IMPG1: variants seen among roughly 807,000 people sequenced by gnomAD.
The protein encoded by IMPG1 is interphotoreceptor matrix proteoglycan of 150 kDa.
IMPG1 carries 85 observed loss-of-function variants against 92.0 expected under a neutral mutation model. The observed-to-expected ratio is 0.92, with a 90% CI of 0.78 to 1.11. The LOEUF (loss-of-function observed/expected upper bound fraction) is 1.11, where lower values mean the gene tolerates loss of function less well. Among genes scored for constraint, IMPG1 ranks in the 50% least tolerant of loss-of-function variants. IMPG1 has a pLI of 0.00. For synonymous variants in IMPG1, 367 were observed against 334.1 expected (o/e 1.10, Z -1.08); for missense variants, 1,022 against 956.0 (o/e 1.07, Z -0.91).
At chr6:76,019,795 CA>C in intron 6 of IMPG1, among the ~76,000 whole-genome samples, 1 of 152,178 alleles carries the variant, frequency 6.6e-6, no homozygotes, top group South Asian at 2.1e-4. Context: ...TTTTGTTAGG[CA>C]AATTGGAAGT....
intron 12 of IMPG1, among the ~76,000 whole-genome samples, chr6:75,974,959 A>G (rs1236369603): frequency 2.0e-5 from 3 of 152,258 alleles, no homozygotes; most frequent in African/African-American, 4.8e-5. Context: ...AAAGAAATGC[A>G]GTATAAGTAG....
intron 12 of IMPG1, among the ~76,000 whole-genome samples, chr6:75,969,422 A>G (rs986085896): frequency 6.6e-6 from 1 of 152,156 alleles, no homozygotes; most frequent in African/African-American, 2.4e-5. Flanking sequence ...TATGTGATAT[A>G]TATAATTTTT....
chr6:75,937,106 G>A (rs1781760257), intron 14 of IMPG1, among the ~76,000 whole-genome samples: 1 of 152,138 alleles, frequency 6.6e-6, no homozygotes, highest in South Asian at 2.1e-4. Context: ...CAGGGCCAGG[G>A]ATGTAGGAGA....
At position 75,951,405 on chromosome 6, in the gene IMPG1, G is replaced by A. The variant is rs76106883; in HGVS notation, c.1292-311C>T. Among the ~76,000 whole-genome samples, 46 of 152,170 alleles carry A rather than the reference G, an allele frequency of 3.0e-4. No homozygotes were observed. In the East Asian group the frequency reaches 7.9e-3, roughly 26 times the overall value. On this transcript the variant is annotated intron_variant, in intron 12 of 16. Coordinates refer to ENST00000369950, the MANE Select transcript of IMPG1 (RefSeq NM_001563.4). ...CTGGAATTACTGCCTAGTCAGACAC[G>A]ATACACTTGGGAACCAAGTAGTACA...
chr6:75,937,841 T>A (rs1781773022), intron 14 of IMPG1, among the ~76,000 whole-genome samples: 1 of 152,220 alleles, frequency 6.6e-6, no homozygotes, highest in African/African-American at 2.4e-5. Context: ...CCTTGAGGGC[T>A]GTCCATTTTT....
In IMPG1 at chr6:75,922,125, A is replaced by G. The variant is rs1287467326; in HGVS notation, c.2358T>C (p.Tyr786=). The G allele has an allele frequency of 4.3e-6, 6 of 1,400,260 alleles. No individual in the cohort carries two copies. The highest frequency in any genetic ancestry group is 6.0e-6 in the Non-Finnish European group (6 of 995,942). The allele number at this position is 1,400,260 out of a possible 1,614,324, so 86.7% of individuals were successfully genotyped here. A position where few individuals can be genotyped will look rare whatever the true frequency, so the allele number is the denominator to read the frequency against. Residue 786 remains tyrosine, a synonymous_variant, in exon 17 of 17, where the codon TAT becomes TAC. Transcript: ENST00000369950. ...KRNSELLTVE[Y]EEFNHQDWEG... ...CCCAATCTTGATGGTTAAATTCTTC[A>G]TATTCTACGGTCAGTAATTCAGAAT...
intron 14 of IMPG1, among the ~76,000 whole-genome samples, chr6:75,945,037 A>C (rs2149455267): frequency 6.6e-6 from 1 of 152,342 alleles, no homozygotes; most frequent in East Asian, 1.9e-4. Context: ...TGACGTTAGC[A>C]CCATCTCATG....
chr6:76,037,333 G>A (rs1268851066), intron 2 of IMPG1, among the ~76,000 whole-genome samples: 1 of 152,150 alleles, frequency 6.6e-6, no homozygotes, highest in Admixed American at 6.5e-5. Flanking sequence ...CTTTTAATGA[G>A]TAACCCACAA....
At chr6:75,977,100 G>C (rs1782550574) in intron 12 of IMPG1, among the ~76,000 whole-genome samples, 2 of 152,004 alleles carry the variant, frequency 1.3e-5, no homozygotes, top group Admixed American at 1.3e-4. Context: ...AAGGACAGCT[G>C]TTACTTTAAG....
rs1451795117 is a variant in IMPG1 at position 75,924,444 on chromosome 6, AATATAACATAATT to A, written c.2244-751_2244-739del. ...TAATATATAATTAATATAATTATAT[AATATAACATAATT>A]ATATAATATAAATATAATTATATAT... is the stretch of plus-strand genomic sequence containing the variant. On this transcript the variant is annotated intron_variant, in intron 15 of 16. Coordinates refer to ENST00000369950, the MANE Select transcript of IMPG1 (RefSeq NM_001563.4). Among the ~76,000 whole-genome samples the A allele has an allele frequency of 8.8e-3, 976 of 111,126 alleles. 25 individuals carry two copies. Among genetic ancestry groups the A allele is most frequent in the African/African-American group, 0.033 (945 of 28,686 alleles). The allele number at this position is 111,126 out of a possible 152,430, so 72.9% of individuals were successfully genotyped here.
chr6:75,941,120 G>T (rs1349033463), intron 14 of IMPG1, among the ~76,000 whole-genome samples: 1 of 151,802 alleles, frequency 6.6e-6, no homozygotes, highest in Non-Finnish European at 1.5e-5. Context: ...GCAGAGATGG[G>T]GTCGATTCAT....
At chr6:76,036,768 G>T (rs1783748512) in intron 2 of IMPG1, among the ~76,000 whole-genome samples, 1 of 103,918 alleles carries the variant, frequency 9.6e-6, no homozygotes, top group Non-Finnish European at 2.2e-5. Flanking sequence ...TCTGTTAAAA[G>T]AATTTGATGG....
chr6:76,008,904 A>G (rs1001357438), intron 8 of IMPG1, among the ~76,000 whole-genome samples: 12 of 152,186 alleles, frequency 7.9e-5, no homozygotes, highest in Admixed American at 7.2e-4. Context: ...CTTCCTAAGC[A>G]ACTGCTGATC....
At chr6:75,989,299 T>C (rs1347330729) in intron 12 of IMPG1, among the ~76,000 whole-genome samples, 1 of 152,164 alleles carries the variant, frequency 6.6e-6, no homozygotes, top group African/African-American at 2.4e-5. Context: ...ACTAAATCTA[T>C]TTAAATTTAA....
At chr6:76,031,095 T>A (rs1301022573) in intron 4 of IMPG1, among the ~76,000 whole-genome samples, 1 of 152,112 alleles carries the variant, frequency 6.6e-6, no homozygotes, top group Non-Finnish European at 1.5e-5. Context: ...AAGCCTAAAT[T>A]TTCATGGCTG....
At chr6:75,926,790 C>A (rs9341544) in intron 15 of IMPG1, among the ~76,000 whole-genome samples, 142,995 of 152,210 alleles carry the variant, frequency 0.94, 67,744 homozygotes, top group East Asian at 1. Flanking sequence ...AACATCTAAA[C>A]TTGAGGGAAA....
At chr6:75,950,434 G>T in intron 13 of IMPG1, 128 bp downstream of exon 13, 1 of 784,304 alleles carries the variant, frequency 1.3e-6, no homozygotes, top group Non-Finnish European at 2.0e-6. Context: ...AATGTCTTCA[G>T]CAACAGCTGG....
intron 12 of IMPG1, among the ~76,000 whole-genome samples, chr6:75,952,329 A>G (rs1415208019): frequency 6.6e-6 from 1 of 152,198 alleles, no homozygotes; most frequent in Non-Finnish European, 1.5e-5. Context: ...CTGGATGCAG[A>G]TATAATCTCT....
intron 7 of IMPG1, 94 bp downstream of exon 7, chr6:76,018,624 A>G: frequency 2.6e-6 from 3 of 1,143,358 alleles, no homozygotes; most frequent in Non-Finnish European, 3.7e-6. Context: ...TGCCAGGAGA[A>G]GCTGGAACTG....
Sources: gnomAD v4.1 joint callset for allele counts (sites outside exome capture counted in the v4.1 genomes callset) on GRCh38, gnomAD v4.1.1 for gene constraint, MANE v1.5 for transcripts, NCBI Gene and HGNC (gene_info 2026-07-23, HGNC 2026-07-21) for gene names.